GTF3C1: variants seen among roughly 807,000 people sequenced by gnomAD.
GTF3C1 encodes the protein general transcription factor IIIC subunit 1, also known as general transcription factor 3C polypeptide 1.
In GTF3C1, 57 loss-of-function variants were observed where a neutral mutation model predicts 226.7. That is an observed-to-expected ratio of 0.25 (90% CI 0.20 to 0.31). The LOEUF (loss-of-function observed/expected upper bound fraction) is 0.31. GTF3C1 is among the 10% of genes least tolerant of loss of function. The pLI, the probability that GTF3C1 is intolerant of heterozygous loss-of-function variation, is 1.00. For synonymous variants in GTF3C1, 1,090 were observed against 1,084.8 expected (o/e 1.00, Z -0.09); for missense variants, 2,217 against 2,776.1 (o/e 0.80, Z 4.53).
chr16:27,481,383 A>G (rs1567390322), intron 26 of GTF3C1, among the ~76,000 whole-genome samples, 192 bp from the exon 27 acceptor site: 1 of 152,030 alleles, frequency 6.6e-6, no homozygotes, highest in East Asian at 1.9e-4. Context: ...AGAGGAGGCA[A>G]AAGACCCTCA....
chr16:27,491,288 G>A (rs1014211557), intron 19 of GTF3C1, among the ~76,000 whole-genome samples: 1 of 152,200 alleles, frequency 6.6e-6, no homozygotes, highest in African/African-American at 2.4e-5. Flanking sequence ...CAAGCTGAAC[G>A]TGGCTTCCTT....
rs764166213 is a variant in GTF3C1, at chr16:27,484,392, C to T, written c.3859-39G>A. 3 of 1,489,274 alleles carry T rather than the reference C, an allele frequency of 2.0e-6. No individual in the cohort carries two copies. In the East Asian group the frequency reaches 6.9e-5, roughly 34 times the overall value. The allele number at this position is 1,489,274 out of a possible 1,614,324, so 92.3% of individuals were successfully genotyped here. A position where few individuals can be genotyped will look rare whatever the true frequency, so the allele number is the denominator to read the frequency against. On this transcript the variant is annotated intron_variant, in intron 24 of 36. Coordinates refer to ENST00000356183, the MANE Select transcript of GTF3C1 (RefSeq NM_001520.4). Reference sequence around the variant, plus strand: ...AGAGCCAAGACAAAAAGTCAGTATCCTCAGAGACGACATCATGGGGAATTA... The same window carrying T: ...AGAGCCAAGACAAAAAGTCAGTATCTTCAGAGACGACATCATGGGGAATTA...
intron 7 of GTF3C1, among the ~76,000 whole-genome samples, chr16:27,510,767 T>G (rs1334481465): frequency 6.6e-6 from 1 of 152,168 alleles, no homozygotes; most frequent in Non-Finnish European, 1.5e-5. Flanking sequence ...ACTAGGCCAC[T>G]GATGTCCCAC....
rs1261714704 is a variant in GTF3C1 at position 27,471,302 on chromosome 16, GC to G, written c.4526+445del. On this transcript the variant is annotated intron_variant, in intron 30 of 36. Transcript: ENST00000356183. This position sits in a 1 kb window ranked among gnomAD's most constrained non-coding sequence, Gnocchi z 5.0. ...CACTGCAAGAGCGCTTCAGGAGGGA[GC>G]CCCAGGAGGATGCCTGTCTGAATGC... Among the ~76,000 whole-genome samples, 1 of 152,202 alleles carries G rather than the reference GC, an allele frequency of 6.6e-6. No homozygotes were observed. Among genetic ancestry groups the G allele is most frequent in the Admixed American group, 6.5e-5 (1 of 15,288 alleles).
At chr16:27,495,169 G>A in intron 15 of GTF3C1, 42 bp downstream of exon 15, 2 of 1,483,820 alleles carry the variant, frequency 1.3e-6, no homozygotes, top group Non-Finnish European at 1.9e-6. Context: ...CCTACTACTG[G>A]GCCTGCCCGC....
At chr16:27,496,810 G>A (rs2088325431) in intron 14 of GTF3C1, among the ~76,000 whole-genome samples, 1 of 152,254 alleles carries the variant, frequency 6.6e-6, no homozygotes, top group Non-Finnish European at 1.5e-5. Context: ...GGCACAGCAA[G>A]AGGGTGCAGG....
chr16:27,497,484 T>C (rs949751320), intron 14 of GTF3C1, among the ~76,000 whole-genome samples, 153 bp downstream of exon 14: 1 of 152,218 alleles, frequency 6.6e-6, no homozygotes, highest in East Asian at 1.9e-4. Flanking sequence ...GAAGAAGTTA[T>C]GCGGCCAGAG....
At chr16:27,486,991 C>T (rs2088149811) in intron 23 of GTF3C1, among the ~76,000 whole-genome samples, 1 of 152,252 alleles carries the variant, frequency 6.6e-6, no homozygotes, top group African/African-American at 2.4e-5. Context: ...AGCCACAGGG[C>T]TGCCAAGGTC....
At chr16:27,537,677 T>A in intron 4 of GTF3C1, 107 bp downstream of exon 4, 1 of 752,002 alleles carries the variant, frequency 1.3e-6, no homozygotes, top group Non-Finnish European at 2.2e-6. Context: ...CAAAGGGCTA[T>A]GATTACAGGT....
chr16:27,476,065 G>A (rs2087945979), intron 29 of GTF3C1, among the ~76,000 whole-genome samples: 1 of 152,192 alleles, frequency 6.6e-6, no homozygotes, highest in Non-Finnish European at 1.5e-5. Flanking sequence ...AAGCCCTGGA[G>A]GCTCACAGCT....
intron 5 of GTF3C1, among the ~76,000 whole-genome samples, chr16:27,533,088 C>A (rs1308741773): frequency 6.6e-6 from 1 of 152,128 alleles, no homozygotes; most frequent in Non-Finnish European, 1.5e-5. Context: ...GCCACTGTCG[C>A]ACCACCGCAC....
rs1295737251 is a variant in GTF3C1 at position 27,470,212 on chromosome 16, G to A, written c.4710C>T (p.Ala1570=). The A allele has an allele frequency of 6.2e-6, 10 of 1,613,136 alleles. No homozygotes were observed. Among genetic ancestry groups the A allele is most frequent in the East Asian group, 2.2e-5 (1 of 44,888 alleles). ...SLDGPGGNCV[A]VLTLFSLGLI... is the part of the protein sequence containing the mutation. ...GGCCCAGAGAGAAGAGGGTCAGGACGGCCACACAATTTCCTCCAGGGCCGT... is the reference window on the plus strand; with the variant it reads ...GGCCCAGAGAGAAGAGGGTCAGGACAGCCACACAATTTCCTCCAGGGCCGT... Residue 1570 remains alanine, a synonymous_variant, in exon 31 of 37, where the codon GCC becomes GCT. Transcript: ENST00000356183. This position sits in a 1 kb window ranked among gnomAD's most constrained non-coding sequence, Gnocchi z 4.9.
intron 2 of GTF3C1, among the ~76,000 whole-genome samples, chr16:27,540,010 G>A (rs961474456): frequency 6.6e-6 from 1 of 152,004 alleles, no homozygotes; most frequent in Non-Finnish European, 1.5e-5. Flanking sequence ...TACCAATTCT[G>A]TTCACCGGGA....
chr16:27,481,770 T>C (rs890606828), intron 26 of GTF3C1, among the ~76,000 whole-genome samples: 2 of 152,204 alleles, frequency 1.3e-5, no homozygotes, highest in African/African-American at 4.8e-5. Flanking sequence ...CCCTGCTGCA[T>C]CTGGCTGCTG....
chr16:27,484,189 AC>A, intron 25 of GTF3C1, 21 bp downstream of exon 25: 1 of 1,562,786 alleles, frequency 6.4e-7, no homozygotes, highest in Non-Finnish European at 8.8e-7. Context: ...TCCCGGAGTG[AC>A]GGGGCTTCAA....
chr16:27,519,648 T>C (rs1479821278), intron 6 of GTF3C1, among the ~76,000 whole-genome samples: 1 of 152,084 alleles, frequency 6.6e-6, no homozygotes, highest in African/African-American at 2.4e-5. Flanking sequence ...GCAAGGGACT[T>C]GTGCCTCTGT....
intron 5 of GTF3C1, among the ~76,000 whole-genome samples, chr16:27,529,195 G>A (rs2088877728): frequency 6.6e-6 from 1 of 152,184 alleles, no homozygotes; most frequent in African/African-American, 2.4e-5. Flanking sequence ...TGTAATCCCA[G>A]CACTTTGGGA....
chr16:27,490,631 A>G (rs915626042), intron 19 of GTF3C1, among the ~76,000 whole-genome samples: 1 of 152,142 alleles, frequency 6.6e-6, no homozygotes, highest in African/African-American at 2.4e-5. Flanking sequence ...GAAACTAACA[A>G]TATTTAAGGC....
rs759615494 is a variant in GTF3C1 at position 27,495,231 on chromosome 16, A to C, written c.2612T>G (p.Val871Gly). 1.9e-6 allele frequency: 3 copies of C among 1,611,684 alleles called. No homozygotes were observed. Among genetic ancestry groups the C allele is most frequent in the Non-Finnish European group, 2.5e-6 (3 of 1,178,934 alleles). The change falls in exon 15 of 37, where the codon GTG (valine) becomes GGG (glycine). Residue 871 changes from valine to glycine, a missense_variant. Physicochemically the swap from Val to Gly is moderately radical, Grantham distance 109. Around this residue, in one of 12 missense-constraint regions of GTF3C1, gnomAD observed 353 missense variants for 411.7 expected, o/e 0.86. Coordinates refer to ENST00000356183, the MANE Select transcript of GTF3C1 (RefSeq NM_001520.4). ...CTCACCTGTCTCCGTGGCAAGCTCCACTTCAGCCTCCCAGGTGACACCATC... is the reference window on the plus strand; with the variant it reads ...CTCACCTGTCTCCGTGGCAAGCTCCCCTTCAGCCTCCCAGGTGACACCATC... ...SQDGVTWEAE[V>G]ELATETVYVD...
Sources: allele counts gnomAD v4.1 joint callset (sites outside exome capture counted in the v4.1 genomes callset), GRCh38; gene constraint gnomAD v4.1.1; regional missense constraint gnomAD v4.1.1; non-coding constraint Gnocchi (gnomAD v3.1); transcripts MANE v1.5; gene names NCBI Gene and HGNC (gene_info 2026-07-23, HGNC 2026-07-21).